The following POC1A variants were observed in gnomAD, a reference collection of about 807,000 sequenced individuals.
POC1A encodes the protein POC1 centriolar protein homolog A.
In POC1A, 34 loss-of-function variants were observed where a neutral mutation model predicts 47.8. The ratio of observed to expected loss-of-function variants is 0.71; its 90% CI spans 0.54 to 0.95. The LOEUF (loss-of-function observed/expected upper bound fraction) is 0.95, where lower values mean the gene tolerates loss of function less well. Among genes scored for constraint, POC1A ranks in the 40% least tolerant of loss-of-function variants. POC1A has a pLI of 0.00. For synonymous variants in POC1A, 177 were observed against 207.6 expected, an observed-to-expected ratio of 0.85 and a Z score of 1.27; for missense variants, 466 against 528.3, an observed-to-expected ratio of 0.88 and a Z score of 1.16.
At chr3:52,108,379 C>T (rs1476126454) in intron 9 of POC1A, among the ~76,000 whole-genome samples, 1 of 152,242 alleles carries the variant, frequency 6.6e-6, no homozygotes, top group Non-Finnish European at 1.5e-5. Flanking sequence ...GCCGACATCT[C>T]TGGGAGACGC....
chr3:52,078,123 C>G (rs1027797567), intron 10 of POC1A, among the ~76,000 whole-genome samples: 1 of 152,186 alleles, frequency 6.6e-6, no homozygotes, highest in Non-Finnish European at 1.5e-5. Flanking sequence ...AAGGCAGTTT[C>G]TCCCCCTCCA....
rs544021452 is a variant in POC1A at position 52,153,961 on chromosome 3, C to T, written c.18+394G>A. ...CAGGCCCGGGCATCCCAGCGTCCTG[C>T]TGTACCTACCTGCTGGAGCAGGGTG... On this transcript the variant is annotated intron_variant, in intron 1 of 10. Coordinates refer to ENST00000296484, the MANE Select transcript of POC1A (RefSeq NM_015426.5). 1.4e-3 allele frequency among the ~76,000 whole-genome samples: 217 copies of T among 152,374 alleles called. 1 individual carries two copies. The highest frequency in any genetic ancestry group is 0.01 in the Middle Eastern group (3 of 294).
At chr3:52,140,423 T>C (rs1222011676) in intron 6 of POC1A, among the ~76,000 whole-genome samples, 3 of 152,096 alleles carry the variant, frequency 2.0e-5, no homozygotes, top group Non-Finnish European at 4.4e-5. Flanking sequence ...GAGCAGAAGC[T>C]GCCAGAGGAA....
intron 9 of POC1A, among the ~76,000 whole-genome samples, chr3:52,108,168 G>A (rs1448197490): frequency 2.6e-5 from 4 of 152,222 alleles, no homozygotes; most frequent in Non-Finnish European, 5.9e-5. Context: ...TTATTACAGG[G>A]AATGTTGACC....
At chr3:52,134,712 G>A (rs887094663) in intron 7 of POC1A, among the ~76,000 whole-genome samples, 3 of 151,040 alleles carry the variant, frequency 2.0e-5, no homozygotes, top group East Asian at 1.9e-4. Flanking sequence ...AAACTGCATA[G>A]ACACAGGTAC....
intron 7 of POC1A, among the ~76,000 whole-genome samples, chr3:52,127,224 T>C (rs2107114452): frequency 6.6e-6 from 1 of 152,318 alleles, no homozygotes; most frequent in South Asian, 2.1e-4. Context: ...TCACGGGCTG[T>C]GTGGCCCCTG....
chr3:52,095,479 G>A (rs766027222), intron 10 of POC1A, among the ~76,000 whole-genome samples: 4 of 152,164 alleles, frequency 2.6e-5, no homozygotes, highest in African/African-American at 4.8e-5. Flanking sequence ...GGTCCTTTGC[G>A]TCCTTCATGT....
intron 7 of POC1A, among the ~76,000 whole-genome samples, chr3:52,133,672 G>A (rs920126936): frequency 6.6e-6 from 1 of 152,154 alleles, no homozygotes; most frequent in African/African-American, 2.4e-5. Flanking sequence ...GTAAATCAGG[G>A]TGAGTTTGGC....
chr3:52,085,500 C>T (rs999802590), intron 10 of POC1A, among the ~76,000 whole-genome samples: 1 of 152,254 alleles, frequency 6.6e-6, no homozygotes, highest in Admixed American at 6.5e-5. Flanking sequence ...ATGCTGCCCA[C>T]CAATACTGCC....
At chr3:52,126,049 G>A (rs376539946) in intron 7 of POC1A, among the ~76,000 whole-genome samples, 12 of 152,278 alleles carry the variant, frequency 7.9e-5, no homozygotes, top group East Asian at 7.7e-4. Flanking sequence ...CCTCCCAGTC[G>A]AACTTTTACT....
intron 9 of POC1A, among the ~76,000 whole-genome samples, chr3:52,106,866 C>T (rs142393739): frequency 0.024 from 3,699 of 152,342 alleles, 70 homozygotes; most frequent in Non-Finnish European, 0.033. Flanking sequence ...TGCTGACTCC[C>T]CAGCCTCTCT....
chr3:52,078,350 G>C (rs1194587030), intron 10 of POC1A, among the ~76,000 whole-genome samples: 1 of 151,448 alleles, frequency 6.6e-6, no homozygotes, highest in East Asian at 1.9e-4. Flanking sequence ...AATGCTGTCT[G>C]GCACTCTTTG....
At chr3:52,136,612 G>A (rs1399668480) in intron 7 of POC1A, among the ~76,000 whole-genome samples, 2 of 152,186 alleles carry the variant, frequency 1.3e-5, no homozygotes, top group Non-Finnish European at 2.9e-5. Context: ...TGAGCCTGGT[G>A]CCCTGAAGAA....
At chr3:52,085,463 T>G (rs1227669247) in intron 10 of POC1A, among the ~76,000 whole-genome samples, 1 of 152,230 alleles carries the variant, frequency 6.6e-6, no homozygotes, top group East Asian at 1.9e-4. Flanking sequence ...CTCTGCGGCA[T>G]GGCATTCCCG....
intron 9 of POC1A, among the ~76,000 whole-genome samples, chr3:52,110,892 A>G (rs527774871): frequency 1.8e-4 from 28 of 152,242 alleles, no homozygotes; most frequent in Admixed American, 5.2e-4. Flanking sequence ...TGCCAGGGGA[A>G]AAGGAAAACC....
intron 4 of POC1A, 143 bp downstream of exon 4, chr3:52,149,067 A>T: frequency 1.6e-6 from 1 of 640,540 alleles, no homozygotes. Context: ...GTTCCATTTT[A>T]CAGATAAGGA....
intron 9 of POC1A, among the ~76,000 whole-genome samples, chr3:52,099,915 C>A (rs577384043): frequency 1.3e-5 from 2 of 152,152 alleles, no homozygotes; most frequent in Non-Finnish European, 2.9e-5. Flanking sequence ...CTCGTATAGG[C>A]CTACACCAAT....
intron 10 of POC1A, among the ~76,000 whole-genome samples, chr3:52,091,146 G>C (rs997413093): frequency 1.3e-5 from 2 of 152,132 alleles, no homozygotes; most frequent in Non-Finnish European, 2.9e-5. Context: ...CACAGGACAG[G>C]CGTGTGCTCT....
intron 8 of POC1A, among the ~76,000 whole-genome samples, chr3:52,124,549 T>G (rs1703923304): frequency 1.3e-5 from 2 of 152,176 alleles, no homozygotes; most frequent in South Asian, 4.1e-4. Flanking sequence ...GAGCAGCAGA[T>G]GACAGAGCAG....
Sources: gnomAD v4.1 joint callset for allele counts (sites outside exome capture counted in the v4.1 genomes callset) on GRCh38, gnomAD v4.1.1 for gene constraint, MANE v1.5 for transcripts, NCBI Gene and HGNC (gene_info 2026-07-23, HGNC 2026-07-21) for gene names.